FGGY: variants seen among roughly 807,000 people sequenced by gnomAD.
FGGY encodes the protein FGGY carbohydrate kinase domain-containing protein.
FGGY carries 72 observed loss-of-function variants against 71.3 expected under a neutral mutation model. That is an observed-to-expected ratio of 1.01 (90% CI 0.84 to 1.23). The LOEUF (loss-of-function observed/expected upper bound fraction) is 1.23. FGGY is among the 50% of genes most tolerant of loss of function. The probability of loss-of-function intolerance (pLI) is 0.00; values close to 1 mark genes in which losing one functional copy is unlikely to be tolerated. For missense variants in FGGY, 668 were observed against 682.3 expected, an observed-to-expected ratio of 0.98 and a Z score of 0.23; for synonymous variants, 251 against 250.3, an observed-to-expected ratio of 1.00 and a Z score of -0.02.
chr1:59,435,115 C>T (rs961859044), intron 5 of FGGY, among the ~76,000 whole-genome samples: 6 of 152,250 alleles, frequency 3.9e-5, no homozygotes, highest in Admixed American at 2.0e-4. Context: ...GAGCTTAGCC[C>T]AGCACTGTCC....
chr1:59,746,129 G>A lies in FGGY; in HGVS notation c.1513-11802G>A, dbSNP rs115018716. The stretch of plus-strand genomic sequence containing the variant: ...AGATAGGGAGGCTTGTGATCTAGGA[G>A]CCTTAGCCTCATTTAACATAGGGAC... On this transcript the variant is annotated intron_variant, in intron 14 of 15. Coordinates refer to ENST00000303721, the MANE Select transcript of FGGY (RefSeq NM_018291.5). Among the ~76,000 whole-genome samples, 442 of 152,282 alleles carry A rather than the reference G, an allele frequency of 2.9e-3. 2 individuals are homozygous for A. The highest frequency in any genetic ancestry group is 4.7e-3 in the Non-Finnish European group (317 of 68,020).
intron 7 of FGGY, among the ~76,000 whole-genome samples, chr1:59,546,517 G>GATTATTATTATT (rs1491216926): frequency 2.2e-5 from 3 of 134,672 alleles, no homozygotes; most frequent in African/African-American, 3.1e-5. Flanking sequence ...TGATGATGAT[G>GATTATTATTATT]ATGATGATGA....
At chr1:59,609,800 G>A (rs2096656779) in intron 9 of FGGY, among the ~76,000 whole-genome samples, 1 of 152,182 alleles carries the variant, frequency 6.6e-6, no homozygotes, top group East Asian at 1.9e-4. Flanking sequence ...AGCATAGGTG[G>A]GTAGATGGAT....
chr1:59,591,107 C>T (rs1033820185), intron 8 of FGGY, among the ~76,000 whole-genome samples: 1 of 152,114 alleles, frequency 6.6e-6, no homozygotes, highest in African/African-American at 2.4e-5. Context: ...GATACAAAAT[C>T]AATGTGCAAA....
At chr1:59,588,635 T>C (rs10889146) in intron 8 of FGGY, among the ~76,000 whole-genome samples, 60,623 of 151,820 alleles carry the variant, frequency 0.4, 14,643 homozygotes, top group African/African-American at 0.67. Context: ...GGCCAATATT[T>C]AACATTCTTA....
intron 7 of FGGY, among the ~76,000 whole-genome samples, chr1:59,539,798 A>G: frequency 6.6e-6 from 1 of 152,212 alleles, no homozygotes; most frequent in East Asian, 1.9e-4. Context: ...TTCCATTAAA[A>G]GAGTGAAAAT....
intron 5 of FGGY, among the ~76,000 whole-genome samples, chr1:59,441,221 T>C (rs1156542492): frequency 6.6e-6 from 1 of 152,138 alleles, no homozygotes; most frequent in Non-Finnish European, 1.5e-5. Flanking sequence ...CCATGCTGAG[T>C]GCTTGCAGAA....
At chr1:59,620,831 G>A (rs1038196590) in intron 9 of FGGY, among the ~76,000 whole-genome samples, 3 of 152,072 alleles carry the variant, frequency 2.0e-5, no homozygotes, top group African/African-American at 4.8e-5. Flanking sequence ...TCTTCACGCT[G>A]TAGTTTGTGT....
chr1:59,757,901 C>T, intron 14 of FGGY, 30 bp from the exon 15 acceptor site: 1 of 1,574,872 alleles, frequency 6.3e-7, no homozygotes, highest in South Asian at 1.1e-5. Flanking sequence ...CTTTCCAACT[C>T]AGCTGTCTAT....
At chr1:59,341,514 C>G (rs1389056505) in intron 3 of FGGY, among the ~76,000 whole-genome samples, 1 of 152,180 alleles carries the variant, frequency 6.6e-6, no homozygotes, top group African/African-American at 2.4e-5. Flanking sequence ...TGCACAGACA[C>G]ACACACTTTT....
intron 5 of FGGY, among the ~76,000 whole-genome samples, chr1:59,429,127 G>A (rs977735688): frequency 2.0e-5 from 3 of 152,240 alleles, no homozygotes; most frequent in Non-Finnish European, 2.9e-5. Flanking sequence ...ACAATCACAT[G>A]TATGGCTGCA....
At chr1:59,576,151 A>C (rs2096071743) in intron 8 of FGGY, among the ~76,000 whole-genome samples, 1 of 152,158 alleles carries the variant, frequency 6.6e-6, no homozygotes. Context: ...AACCAACCCA[A>C]ATGCCCCTCA....
intron 13 of FGGY, among the ~76,000 whole-genome samples, chr1:59,670,832 G>C (rs1183843173): frequency 6.6e-6 from 1 of 152,180 alleles, no homozygotes; most frequent in Non-Finnish European, 1.5e-5. Flanking sequence ...CTGTCTACAT[G>C]AGGAGGAAGA....
intron 14 of FGGY, among the ~76,000 whole-genome samples, chr1:59,677,571 A>G (rs1489175533): frequency 6.6e-6 from 1 of 152,274 alleles, no homozygotes; most frequent in Non-Finnish European, 1.5e-5. Flanking sequence ...AGGCCCCTGA[A>G]TGGATGATTT....
Position 59,552,438 on chromosome 1 carries a change from A to G in FGGY, c.800-1686A>G, listed in dbSNP as rs907614839. Among the ~76,000 whole-genome samples the G allele has an allele frequency of 2.6e-5, 4 of 152,216 alleles. No homozygotes were observed. The East Asian group carries it at 5.8e-4, about 22-fold the overall frequency. Reference sequence around the variant, plus strand: ...CCCCCTGTTGCTAGACCTCTGAACAATAGCAGAGATTCACAGGTTGCTGTG... The same window carrying G: ...CCCCCTGTTGCTAGACCTCTGAACAGTAGCAGAGATTCACAGGTTGCTGTG... On this transcript the variant is annotated intron_variant, in intron 7 of 15. Transcript: ENST00000303721.
chr1:59,622,247 A>T (rs978643623), intron 9 of FGGY, among the ~76,000 whole-genome samples: 2 of 152,128 alleles, frequency 1.3e-5, no homozygotes, highest in Non-Finnish European at 2.9e-5. Flanking sequence ...CATTGTTAAA[A>T]TACCTACTTT....
chr1:59,358,283 C>A (rs1452772877), intron 4 of FGGY, among the ~76,000 whole-genome samples: 1 of 152,006 alleles, frequency 6.6e-6, no homozygotes, highest in Non-Finnish European at 1.5e-5. Flanking sequence ...TTCTTTTTTC[C>A]TATTATCCAA....
intron 6 of FGGY, among the ~76,000 whole-genome samples, chr1:59,477,866 C>T (rs971620311): frequency 1.2e-4 from 18 of 152,104 alleles, no homozygotes; most frequent in African/African-American, 3.9e-4. Flanking sequence ...TTTGCAATGT[C>T]ATAGGTTGTT....
At chr1:59,460,119 G>T (rs1038586320) in intron 6 of FGGY, among the ~76,000 whole-genome samples, 1 of 152,176 alleles carries the variant, frequency 6.6e-6, no homozygotes, top group Non-Finnish European at 1.5e-5. Context: ...GAAGCACAAG[G>T]GGTGGGGGAG....
Sources: gnomAD v4.1 joint callset for allele counts (sites outside exome capture counted in the v4.1 genomes callset) on GRCh38, gnomAD v4.1.1 for gene constraint, MANE v1.5 for transcripts, NCBI Gene and HGNC (gene_info 2026-07-23, HGNC 2026-07-21) for gene names.